Variants in FBXW5 observed in about 807,000 individuals in gnomAD.
The protein encoded by FBXW5 is F-box and WD repeat domain containing 5.
In FBXW5, 74 loss-of-function variants were observed where a neutral mutation model predicts 50.9. That is an observed-to-expected ratio of 1.45 (90% confidence interval 1.20 to 1.76). The LOEUF (loss-of-function observed/expected upper bound fraction) is 1.76. Ranked by LOEUF, FBXW5 falls within the 40% of genes most tolerant of loss-of-function variation. FBXW5 has a pLI of 0.00. For missense variants in FBXW5, 1,073 were observed against 818.8 expected, an observed-to-expected ratio of 1.31 and a Z score of -3.79; for synonymous variants, 523 against 362.2, an observed-to-expected ratio of 1.44 and a Z score of -5.04.
Position 136,942,226 on chromosome 9 carries a change from G to T in FBXW5, c.916C>A (p.Leu306Met). 6.3e-7 allele frequency: 1 copy of T among 1,590,876 alleles called. No individual in the cohort carries two copies. Among genetic ancestry groups the T allele is most frequent in the Non-Finnish European group, 8.5e-7 (1 of 1,169,888 alleles). ...AHAKEGLRHFLDRVLEGRAQP... is the reference protein window; with the variant it reads ...AHAKEGLRHFMDRVLEGRAQP... ...GCCCGCCCCTCCAGCACGCGGTCCA[G>T]AAAGTGCCGCAAGCCCTCCTTGGCG... Residue 306 changes from leucine (L) to methionine (M), a missense_variant, in exon 6 of 9, where the codon CTG becomes ATG. Physicochemically the swap from Leu to Met is conservative, Grantham distance 15. Coordinates refer to ENST00000325285, the MANE Select transcript of FBXW5 (RefSeq NM_018998.4).
chr9:136,942,609 T>TC lies in FBXW5; in HGVS notation c.612dup (p.Asn205GlufsTer60). 1 of 1,610,010 alleles carries TC rather than the reference T, an allele frequency of 6.2e-7. No individual in the cohort carries two copies. The highest frequency in any genetic ancestry group is 8.5e-7 in the Non-Finnish European group (1 of 1,178,916). ...GTGATATCTCCGATGCGGTGCAGGT[T>TC]CCCCGAGATGAGGCTGGTCTCGGTG... On this transcript the variant is annotated frameshift_variant, in exon 5 of 9. Transcript: ENST00000325285. LOFTEE classifies it high-confidence loss of function.
rs534791664 is a variant in FBXW5, at chr9:136,941,414, C to T, written c.1294G>A (p.Asp432Asn). 25 of 1,610,146 alleles carry T rather than the reference C, an allele frequency of 1.6e-5. No homozygotes were observed. The highest frequency in any genetic ancestry group is 6.7e-5 in the African/African-American group (5 of 75,060). The stretch of plus-strand genomic sequence containing the variant: ...GCGATTGGTGGCGGCTGCATGGGGT[C>T]GGCCACCACCGCACCGTTGGGCCAG... ...RAWPNGAVVADPMQPPPIAEE... is the reference protein window; with the variant it reads ...RAWPNGAVVANPMQPPPIAEE... Residue 432 changes from aspartate (D) to asparagine (N), a missense_variant, in exon 8 of 9, where the codon GAC becomes AAC. Coordinates refer to ENST00000325285, the MANE Select transcript of FBXW5 (RefSeq NM_018998.4).
chr9:136,940,690 G>A lies in FBXW5; in HGVS notation c.*238C>T. On this transcript the variant is annotated 3_prime_UTR_variant, in exon 9 of 9. Transcript: ENST00000325285. Reference sequence around the variant, plus strand: ...AGGAGCGGCACCCCCAGTATCCTGTGTACCCCAAGTTGCCCAGGAGGCCGA... The same window carrying A: ...AGGAGCGGCACCCCCAGTATCCTGTATACCCCAAGTTGCCCAGGAGGCCGA... 1.7e-6 allele frequency: 1 copy of A among 596,530 alleles called. No homozygotes were observed. Among genetic ancestry groups the A allele is most frequent in the Non-Finnish European group, 2.9e-6 (1 of 345,942 alleles). The allele number at this position is 596,530 out of a possible 1,614,324, so 37.0% of individuals were successfully genotyped here.
Position 136,940,821 on chromosome 9 carries a change from A to G in FBXW5, c.*107T>C, listed in dbSNP as rs1393376129. 1.4e-6 allele frequency: 2 copies of G among 1,437,450 alleles called. No homozygotes were observed. Among genetic ancestry groups the G allele is most frequent in the East Asian group, 2.5e-5 (1 of 40,112 alleles). The allele number at this position is 1,437,450 out of a possible 1,614,324, so 89.0% of individuals were successfully genotyped here. ...GGCGGGGCCTGGTTGTCCCCTTCCT[A>G]AGGCGTAACTGCTATAAGCATCTCC... On this transcript the variant is annotated 3_prime_UTR_variant, in exon 9 of 9. Coordinates refer to ENST00000325285, the MANE Select transcript of FBXW5 (RefSeq NM_018998.4).
chr9:136,944,724 G>GC lies in FBXW5; in HGVS notation c.-155dup, dbSNP rs1166900671. The GC allele has an allele frequency of 1.0e-6, 1 of 985,536 alleles. No homozygotes were observed. The highest frequency in any genetic ancestry group is 1.2e-6 in the Non-Finnish European group (1 of 829,922). 61.0% of individuals were successfully genotyped at this position (985,536 alleles called of 1,614,324 possible). On this transcript the variant is annotated 5_prime_UTR_variant, in exon 1 of 9. Coordinates refer to ENST00000325285, the MANE Select transcript of FBXW5 (RefSeq NM_018998.4). ...CAGGCCCGACGCCACGAGCCCCGAG[G>GC]CATCGATGGCCGAGGAAGGCAGAGC...
chr9:136,943,244 ACCCACC>A, intron 3 of FBXW5, 99 bp downstream of exon 3: 1 of 727,614 alleles, frequency 1.4e-6, no homozygotes, highest in Non-Finnish European at 2.1e-6. Context: ...CTCTGGCCTG[ACCCACC>A]CCCCCCCCCA....
chr9:136,942,921 A>G lies in FBXW5; in HGVS notation c.374T>C (p.Ile125Thr), dbSNP rs1415997275. 1.2e-6 allele frequency: 2 copies of G among 1,613,032 alleles called. No homozygotes were observed. The change falls in exon 4 of 9, where the codon ATC becomes ACC. Residue 125 changes from isoleucine (I) to threonine (T), a missense_variant. Ile to Thr is a moderately conservative substitution (Grantham distance 89). Transcript: ENST00000325285. Reference protein sequence around the residue: ...TVKIWSNDLTISLLHSADMRP... With the variant: ...TVKIWSNDLTTSLLHSADMRP... The stretch of plus-strand genomic sequence containing the variant: ...CATGTCCGCGCTGTGCAGCAGCGAG[A>G]TGGTCAGGTCGTTGCTCCAGATCTG...
At chr9:136,941,777 T>G in intron 6 of FBXW5, 93 bp from the exon 7 acceptor site, 2 of 1,421,774 alleles carry the variant, frequency 1.4e-6, no homozygotes, top group South Asian at 1.3e-5. Flanking sequence ...TCTGGGGCTG[T>G]GAGCACCACA....
At chr9:136,941,835 G>C in intron 6 of FBXW5, 151 bp from the exon 7 acceptor site, 1 of 1,437,674 alleles carries the variant, frequency 7.0e-7, no homozygotes, top group Non-Finnish European at 9.1e-7. Flanking sequence ...CCTGAATCAG[G>C]CCCGTCGGTT....
At position 136,944,217 on chromosome 9, in the gene FBXW5, T is replaced by A. The variant is rs1850941090; in HGVS notation, c.-23-111A>T. ...CCGCCGGGAGTTCCACGGGGCTGCG[T>A]GTCTGCAGGGGACGCCCGGGTACCG... On this transcript the variant is annotated intron_variant, in intron 1 of 8. Coordinates refer to ENST00000325285, the MANE Select transcript of FBXW5 (RefSeq NM_018998.4). 1.8e-5 allele frequency: 22 copies of A among 1,234,224 alleles called. No homozygotes were observed. In the East Asian group the frequency reaches 6.1e-4, roughly 34 times the overall value. The allele number at this position is 1,234,224 out of a possible 1,614,324, so 76.5% of individuals were successfully genotyped here.
Position 136,940,740 on chromosome 9 carries a change from T to C in FBXW5, c.*188A>G. 2.0e-6 allele frequency: 2 copies of C among 987,560 alleles called. No individual in the cohort carries two copies. The highest frequency in any genetic ancestry group is 1.7e-5 in the South Asian group (1 of 58,718). 61.2% of individuals were successfully genotyped at this position (987,560 alleles called of 1,614,324 possible). A position where few individuals can be genotyped will look rare whatever the true frequency, so the allele number is the denominator to read the frequency against. On this transcript the variant is annotated 3_prime_UTR_variant, in exon 9 of 9. Coordinates refer to ENST00000325285, the MANE Select transcript of FBXW5 (RefSeq NM_018998.4). ...AGGGGGCCTTGGGCTCCATCTGCACTGGCCACCCCGTGCCAAGCATCACAG... is the reference window on the plus strand; with the variant it reads ...AGGGGGCCTTGGGCTCCATCTGCACCGGCCACCCCGTGCCAAGCATCACAG...
Position 136,943,998 on chromosome 9 carries a change from GCGGCCAGCACGT to G in FBXW5, c.74_85del (p.Asp25_Ala28del). The stretch of plus-strand genomic sequence containing the variant: ...CTGCCATTGGCGGCACACCAGCCCG[GCGGCCAGCACGT>G]CGGCCGGGCCCAGGCTCAGGAAGAT... On this transcript the variant is annotated inframe_deletion, in exon 2 of 9. Transcript: ENST00000325285. 6.3e-7 allele frequency: 1 copy of G among 1,592,968 alleles called. No individual in the cohort carries two copies.
At position 136,942,379 on chromosome 9, in the gene FBXW5, C is replaced by T; in HGVS notation, c.763G>A (p.Ala255Thr). ...NASTVRTVMV[A>T]DCSRFDSPDL... ...GGGCTGTCGAAGCGGCTGCAGTCGG[C>T]CACCATCACCGTGCGGACGGTGCTG... The change falls in exon 6 of 9, where the codon GCC becomes ACC. Residue 255 changes from alanine (A) to threonine (T), a missense_variant. Physicochemically the swap from Ala to Thr is moderately conservative, Grantham distance 58 (BLOSUM62 0). Transcript: ENST00000325285. The T allele has an allele frequency of 2.5e-6, 4 of 1,611,504 alleles. No individual in the cohort carries two copies. Among genetic ancestry groups the T allele is most frequent in the East Asian group, 2.2e-5 (1 of 44,856 alleles).
rs372192804 is a variant in FBXW5 at position 136,943,841 on chromosome 9, C to A, written c.193+50G>T. 20 of 1,534,642 alleles carry A rather than the reference C, an allele frequency of 1.3e-5. No homozygotes were observed. The African/African-American group carries it at 2.8e-4, about 21-fold the overall frequency. On this transcript the variant is annotated intron_variant, in intron 2 of 8. Transcript: ENST00000325285. Reference sequence around the variant, plus strand: ...CCAGGCTGACCCCCAAGCGCAGGGGCCCGGGGCCCTGGCTGCAGAACGTGG... The same window carrying A: ...CCAGGCTGACCCCCAAGCGCAGGGGACCGGGGCCCTGGCTGCAGAACGTGG...
In FBXW5 at chr9:136,942,039, G is replaced by T. The variant is rs1387280694; in HGVS notation, c.1096+7C>A. 1 of 1,600,530 alleles carries T rather than the reference G, an allele frequency of 6.2e-7. No individual in the cohort carries two copies. Among genetic ancestry groups the T allele is most frequent in the South Asian group, 1.1e-5 (1 of 90,108 alleles). On this transcript the variant is annotated splice_region_variant and intron_variant, in intron 6 of 8. Transcript: ENST00000325285. ...CCGAGGCGGGCAGCATGGCGGCAGGGGTGTACCGATCTGGTGTGGGGAGTA... is the reference window on the plus strand; with the variant it reads ...CCGAGGCGGGCAGCATGGCGGCAGGTGTGTACCGATCTGGTGTGGGGAGTA...
chr9:136,944,006 C>A lies in FBXW5; in HGVS notation c.78G>T (p.Val26=), dbSNP rs770485241. The A allele has an allele frequency of 1.3e-6, 2 of 1,597,046 alleles. No individual in the cohort carries two copies. The highest frequency in any genetic ancestry group is 1.3e-5 in the African/African-American group (1 of 74,546). The change falls in exon 2 of 9, where the codon GTG becomes GTT. Residue 26 remains valine, a synonymous_variant. Coordinates refer to ENST00000325285, the MANE Select transcript of FBXW5 (RefSeq NM_018998.4). ...GGCGGCACACCAGCCCGGCGGCCAG[C>A]ACGTCGGCCGGGCCCAGGCTCAGGA... ...QIFLSLGPAD[V]LAAGLVCRQW... is the part of the protein sequence containing the mutation.
At position 136,942,036 on chromosome 9, in the gene FBXW5, A is replaced by C; in HGVS notation, c.1096+10T>G. On this transcript the variant is annotated intron_variant, in intron 6 of 8. Coordinates refer to ENST00000325285, the MANE Select transcript of FBXW5 (RefSeq NM_018998.4). ...GGACCGAGGCGGGCAGCATGGCGGC[A>C]GGGGTGTACCGATCTGGTGTGGGGA... 6.3e-7 allele frequency: 1 copy of C among 1,593,294 alleles called. No homozygotes were observed.
In FBXW5 at chr9:136,944,672, G is replaced by A. The variant is rs999725143; in HGVS notation, c.-102C>T. The A allele has an allele frequency of 2.0e-6, 2 of 985,740 alleles. No individual in the cohort carries two copies. The highest frequency in any genetic ancestry group is 2.3e-4 in the East Asian group (2 of 8,832). The allele number at this position is 985,740 out of a possible 1,614,324, so 61.1% of individuals were successfully genotyped here. On this transcript the variant is annotated 5_prime_UTR_variant, in exon 1 of 9. Coordinates refer to ENST00000325285, the MANE Select transcript of FBXW5 (RefSeq NM_018998.4). ...TTCCGCTGCCGCAGCCGCTCGGACC[G>A]CCGCCCCCGCCCAACGGGGAGCCCG...
rs1055932383 is a variant in FBXW5 at position 136,940,601 on chromosome 9, C to T, written c.*327G>A. On this transcript the variant is annotated 3_prime_UTR_variant, in exon 9 of 9. Transcript: ENST00000325285. Reference sequence around the variant, plus strand: ...GCCACCGTCCAGGGCCCCACAGGACCAGCCGAAGGTGCCCCGGGCCGAGGC... The same window carrying T: ...GCCACCGTCCAGGGCCCCACAGGACTAGCCGAAGGTGCCCCGGGCCGAGGC... The T allele has an allele frequency of 5.5e-5, 20 of 365,184 alleles. No homozygotes were observed. Among genetic ancestry groups the T allele is most frequent in the African/African-American group, 2.9e-4 (14 of 48,418 alleles). The allele number at this position is 365,184 out of a possible 1,614,324, so 22.6% of individuals were successfully genotyped here. A position where few individuals can be genotyped will look rare whatever the true frequency, so the allele number is the denominator to read the frequency against.
Sources: gnomAD v4.1 joint callset for allele counts on GRCh38, gnomAD v4.1.1 for gene constraint, MANE v1.5 for transcripts, NCBI Gene and HGNC (gene_info 2026-07-23, HGNC 2026-07-21) for gene names.